SLC25A48: variants seen among roughly 807,000 people sequenced by gnomAD.
SLC25A48 encodes CTC-321K16.1.
In SLC25A48, 29 loss-of-function variants were observed where a neutral mutation model predicts 32.2. The ratio of observed to expected loss-of-function variants is 0.90; its 90% CI spans 0.67 to 1.23. The LOEUF (loss-of-function observed/expected upper bound fraction) is 1.23. Among genes scored for constraint, SLC25A48 ranks in the 50% most tolerant of loss-of-function variants. The pLI, the probability that SLC25A48 is intolerant of heterozygous loss-of-function variation, is 0.00. For missense variants in SLC25A48, 399 were observed against 422.7 expected, an observed-to-expected ratio of 0.94 and a Z score of 0.49; for synonymous variants, 164 against 172.3, an observed-to-expected ratio of 0.95 and a Z score of 0.38.
chr5:135,591,400 G>C (rs1215786873), intron 1 of SLC25A48, among the ~76,000 whole-genome samples: 3 of 152,192 alleles, frequency 2.0e-5, no homozygotes, highest in Non-Finnish European at 2.9e-5. Flanking sequence ...TGGTCCTTCT[G>C]TGCCATGGAA....
chr5:135,653,952 G>T (rs1753179510), intron 3 of SLC25A48: 1 of 456,128 alleles, frequency 2.2e-6, no homozygotes, highest in South Asian at 1.5e-5. Context: ...GGGAAGCTTT[G>T]GATGGTGGTG....
intron 3 of SLC25A48, among the ~76,000 whole-genome samples, chr5:135,756,483 G>A (rs994438655): frequency 1.3e-5 from 2 of 152,038 alleles, no homozygotes; most frequent in African/African-American, 4.8e-5. Context: ...AGACCAGCCT[G>A]GCCAACATGG....
intron 3 of SLC25A48, among the ~76,000 whole-genome samples, chr5:135,740,444 C>A (rs919851011): frequency 6.6e-6 from 1 of 152,078 alleles, no homozygotes; most frequent in Non-Finnish European, 1.5e-5. Context: ...ATCCACCTGC[C>A]TTGGGCGGGG....
intron 3 of SLC25A48, among the ~76,000 whole-genome samples, chr5:135,751,760 A>T (rs1427518203): frequency 1.3e-5 from 2 of 152,122 alleles, no homozygotes; most frequent in Non-Finnish European, 2.9e-5. Flanking sequence ...CTGGAGTTGG[A>T]GGCTGCAATG....
At chr5:135,830,381 C>A (rs1161541777), upstream of SLC25A48, among the ~76,000 whole-genome samples, 10 of 152,180 alleles carry the variant, frequency 6.6e-5, no homozygotes, top group Non-Finnish European at 1.3e-4. Flanking sequence ...TCCTTACCTT[C>A]CAAAAAATAG....
chr5:135,691,134 C>G (rs780963619), intron 3 of SLC25A48, among the ~76,000 whole-genome samples: 3 of 152,284 alleles, frequency 2.0e-5, no homozygotes, highest in South Asian at 2.1e-4. Context: ...CAGCGCTTCT[C>G]GATTCAGCCC....
intron 3 of SLC25A48, among the ~76,000 whole-genome samples, chr5:135,676,770 C>A (rs1753776361): frequency 6.6e-6 from 1 of 151,864 alleles, no homozygotes; most frequent in African/African-American, 2.4e-5. Context: ...GTACAGTCTC[C>A]AAATTTCCTC....
chr5:135,854,699 A>C (rs1262731190), intron 4 of SLC25A48, among the ~76,000 whole-genome samples: 5 of 152,204 alleles, frequency 3.3e-5, no homozygotes, highest in Admixed American at 1.3e-4. Context: ...AGCAATAAGG[A>C]TATTTCACTA....
intron 6 of SLC25A48, among the ~76,000 whole-genome samples, chr5:135,879,329 AG>A (rs557682359): frequency 1.7e-3 from 257 of 152,284 alleles, no homozygotes; most frequent in Admixed American, 3.1e-3. Context: ...CATCTCATTT[AG>A]TCCCTCCAAC....
intron 3 of SLC25A48, among the ~76,000 whole-genome samples, chr5:135,851,339 A>C (rs1759844834): frequency 6.6e-6 from 1 of 152,128 alleles, no homozygotes; most frequent in South Asian, 2.1e-4. Context: ...CAAGCCCAGC[A>C]CTTGGTGTTC....
chr5:135,817,352 T>C (rs188028571), intron 4 of SLC25A48, among the ~76,000 whole-genome samples: 28 of 152,256 alleles, frequency 1.8e-4, no homozygotes, highest in African/African-American at 6.5e-4. Flanking sequence ...TGAGTAGAGA[T>C]CAATGGAACA....
At chr5:135,678,217 C>T (rs1425032149) in intron 3 of SLC25A48, among the ~76,000 whole-genome samples, 3 of 152,030 alleles carry the variant, frequency 2.0e-5, no homozygotes, top group South Asian at 2.1e-4. Context: ...CTTTTTAATT[C>T]GTTTTTTTTC....
intron 3 of SLC25A48, among the ~76,000 whole-genome samples, chr5:135,725,869 C>T (rs750716968): frequency 1.4e-4 from 15 of 105,424 alleles, no homozygotes; most frequent in Non-Finnish European, 2.5e-4. Flanking sequence ...ACCTTAGGAA[C>T]GCTAGGGTTT....
At chr5:135,870,044 C>T (rs980780043) in intron 4 of SLC25A48, among the ~76,000 whole-genome samples, 1 of 152,212 alleles carries the variant, frequency 6.6e-6, no homozygotes, top group African/African-American at 2.4e-5. Flanking sequence ...TCTCCAATCT[C>T]TAGACTGTGG....
rs187797036 is a variant in SLC25A48 at position 135,683,164 on chromosome 5, C to G, written c.-521+48208C>G. 2.1e-3 allele frequency among the ~76,000 whole-genome samples: 313 copies of G among 152,044 alleles called. 1 individual carries two copies. The highest frequency in any genetic ancestry group is 7.3e-3 in the African/African-American group (303 of 41,462). On this transcript the variant is annotated intron_variant, in intron 3 of 10. Transcript: ENST00000646290. ...CTGCACCTGCAGATAACATACATGA[C>G]AGAATGAAAATGGATAAACTACTAT...
chr5:135,616,081 A>G (rs1211313769), intron 1 of SLC25A48, among the ~76,000 whole-genome samples: 1 of 152,220 alleles, frequency 6.6e-6, no homozygotes, highest in East Asian at 1.9e-4. Context: ...ATTTCTGAAG[A>G]TGTATGGAAA....
At chr5:135,871,060 G>GACACAC (rs10569008) in intron 4 of SLC25A48, among the ~76,000 whole-genome samples, 18 of 137,682 alleles carry the variant, frequency 1.3e-4, no homozygotes, top group South Asian at 5.2e-4. Context: ...TGTGTACACA[G>GACACAC]ACACACACAC....
At chr5:135,829,183 C>A (rs1758141801) in intron 4 of SLC25A48, among the ~76,000 whole-genome samples, 1 of 152,224 alleles carries the variant, frequency 6.6e-6, no homozygotes, top group African/African-American at 2.4e-5. Context: ...TCACTGTCAG[C>A]ACTCAAACTC....
At chr5:135,637,893 C>G (rs1561769360) in intron 3 of SLC25A48, among the ~76,000 whole-genome samples, 1 of 152,130 alleles carries the variant, frequency 6.6e-6, no homozygotes, top group East Asian at 1.9e-4. Flanking sequence ...ACTTTGATTC[C>G]TGGCATCAGA....
Sources: allele counts gnomAD v4.1 joint callset (sites outside exome capture counted in the v4.1 genomes callset), GRCh38; gene constraint gnomAD v4.1.1; transcripts MANE v1.5; gene names NCBI Gene and HGNC (gene_info 2026-07-23, HGNC 2026-07-21).